MOB3B: variants seen among roughly 807,000 people sequenced by gnomAD.
MOB3B encodes the protein MOB kinase activator 3B, also known as MOB kinase activator-like 2B.
Under a neutral mutation model 18.7 loss-of-function variants are expected in MOB3B, and 7 were observed. That is an observed-to-expected ratio of 0.37 (90% CI 0.21 to 0.70). MOB3B has a LOEUF of 0.70. MOB3B is among the 30% of genes least tolerant of loss of function. The probability of loss-of-function intolerance (pLI) is 0.52; values close to 1 mark genes in which losing one functional copy is unlikely to be tolerated. For synonymous variants in MOB3B, 111 were observed against 99.9 expected (o/e 1.11, Z -0.66); for missense variants, 253 against 281.3 (o/e 0.90, Z 0.72).
chr9:27,387,083 A>T (rs1821659481), intron 2 of MOB3B, among the ~76,000 whole-genome samples: 1 of 152,218 alleles, frequency 6.6e-6, no homozygotes, highest in Non-Finnish European at 1.5e-5. Flanking sequence ...TGACTTAATG[A>T]AATCTGTGGC....
chr9:27,413,563 G>A (rs531813330), intron 2 of MOB3B, among the ~76,000 whole-genome samples: 3 of 152,262 alleles, frequency 2.0e-5, no homozygotes, highest in South Asian at 2.1e-4. Context: ...ACTTACTCTC[G>A]GCTATTTTGA....
At chr9:27,414,260 T>C (rs964335708) in intron 2 of MOB3B, among the ~76,000 whole-genome samples, 11 of 152,246 alleles carry the variant, frequency 7.2e-5, no homozygotes, top group African/African-American at 2.4e-4. Flanking sequence ...ATAGCCATGA[T>C]TCCTGGCAGC....
chr9:27,494,298 T>C (rs1819866183), intron 1 of MOB3B, among the ~76,000 whole-genome samples: 1 of 152,190 alleles, frequency 6.6e-6, no homozygotes, highest in South Asian at 2.1e-4. Flanking sequence ...CCTTGTGATA[T>C]TCTATTGCCT....
At chr9:27,441,686 T>G (rs1822596958) in intron 2 of MOB3B, among the ~76,000 whole-genome samples, 1 of 152,210 alleles carries the variant, frequency 6.6e-6, no homozygotes, top group Non-Finnish European at 1.5e-5. Flanking sequence ...AGACCACAGT[T>G]GACCACAGGT....
At chr9:27,492,830 C>T (rs556120792) in intron 1 of MOB3B, among the ~76,000 whole-genome samples, 38 of 152,292 alleles carry the variant, frequency 2.5e-4, no homozygotes, top group East Asian at 3.9e-4. Flanking sequence ...GAAAGGGCAA[C>T]GCTTTGGAAC....
At chr9:27,517,346 A>G (rs1820251054) in intron 1 of MOB3B, among the ~76,000 whole-genome samples, 1 of 152,142 alleles carries the variant, frequency 6.6e-6, no homozygotes, top group South Asian at 2.1e-4. Flanking sequence ...ACACAGTTAT[A>G]CAATTCTATC....
intron 1 of MOB3B, among the ~76,000 whole-genome samples, chr9:27,487,575 C>T (rs574242359): frequency 6.6e-6 from 1 of 152,144 alleles, no homozygotes; most frequent in Non-Finnish European, 1.5e-5. Flanking sequence ...AATGCTCATG[C>T]TGCCTGATGT....
chr9:27,364,204 G>A (rs1017940063), intron 2 of MOB3B, among the ~76,000 whole-genome samples: 25 of 152,198 alleles, frequency 1.6e-4, no homozygotes. Context: ...GACCTGGGGA[G>A]CTGTGCATGG....
intron 1 of MOB3B, among the ~76,000 whole-genome samples, chr9:27,516,189 C>G (rs546646012): frequency 6.6e-6 from 1 of 152,206 alleles, no homozygotes; most frequent in Admixed American, 6.5e-5. Flanking sequence ...TTTGGACTTC[C>G]AGACTCTAGG....
intron 2 of MOB3B, among the ~76,000 whole-genome samples, chr9:27,425,620 T>G (rs1412933696): frequency 3.3e-5 from 5 of 152,200 alleles, no homozygotes; most frequent in Admixed American, 3.3e-4. Context: ...TTCATGCAGA[T>G]GAAAACACTC....
chr9:27,350,695 A>G (rs1429874763), intron 3 of MOB3B, among the ~76,000 whole-genome samples: 4 of 152,192 alleles, frequency 2.6e-5, no homozygotes, highest in Non-Finnish European at 5.9e-5. Flanking sequence ...TTTAGAATAC[A>G]TCTGCCAAGT....
intron 1 of MOB3B, among the ~76,000 whole-genome samples, chr9:27,521,234 A>AT (rs1422918182): frequency 6.6e-6 from 1 of 152,208 alleles, no homozygotes; most frequent in Non-Finnish European, 1.5e-5. Context: ...ACAAAAGTAC[A>AT]TTTTTAGATA....
chr9:27,354,588 T>C (rs7030274), intron 3 of MOB3B, among the ~76,000 whole-genome samples: 64,624 of 152,074 alleles, frequency 0.42, 13,977 homozygotes, highest in Middle Eastern at 0.52. Flanking sequence ...ATGCATGTTC[T>C]GAGATAAGGG....
intron 1 of MOB3B, among the ~76,000 whole-genome samples, chr9:27,464,990 T>C (rs1286468848): frequency 1.3e-5 from 2 of 152,114 alleles, no homozygotes; most frequent in African/African-American, 4.8e-5. Context: ...CCAAACCATA[T>C]CATTCTGCCC....
chr9:27,358,142 G>C (rs1277305185), intron 3 of MOB3B, among the ~76,000 whole-genome samples: 1 of 152,078 alleles, frequency 6.6e-6, no homozygotes, highest in Admixed American at 6.5e-5. Context: ...GGCAAAAGAG[G>C]ACAGCCTGGC....
chr9:27,486,797 G>C (rs1214532007), intron 1 of MOB3B, among the ~76,000 whole-genome samples: 1 of 152,142 alleles, frequency 6.6e-6, no homozygotes, highest in Non-Finnish European at 1.5e-5. Flanking sequence ...ACAGGACTTG[G>C]CCATGTATAA....
At position 27,351,494 on chromosome 9, in the gene MOB3B, T is replaced by G. The variant is rs550074035; in HGVS notation, c.621+7540A>C. On this transcript the variant is annotated intron_variant, in intron 3 of 3. Coordinates refer to ENST00000262244, the MANE Select transcript of MOB3B (RefSeq NM_024761.5). ...CATTGTAAAGGCCAAACTGTCAGCT[T>G]CACAGGCTGCAGCTCTTTCTTCTAT... Among the ~76,000 whole-genome samples the G allele has an allele frequency of 4.6e-5, 7 of 152,342 alleles. No individual in the cohort carries two copies. The South Asian group carries it at 1.4e-3, about 32-fold the overall frequency.
chr9:27,470,673 C>T (rs1819457371), intron 1 of MOB3B, among the ~76,000 whole-genome samples: 1 of 152,176 alleles, frequency 6.6e-6, no homozygotes, highest in Non-Finnish European at 1.5e-5. Flanking sequence ...ATCTGTTAGC[C>T]CTGTGGGCCC....
intron 1 of MOB3B, among the ~76,000 whole-genome samples, chr9:27,529,024 C>T (rs1442412144): frequency 6.6e-6 from 1 of 152,168 alleles, no homozygotes; most frequent in Non-Finnish European, 1.5e-5. Flanking sequence ...CGTGAGGCAT[C>T]GTCAGCCCCG....
Sources: allele counts gnomAD v4.1 joint callset (sites outside exome capture counted in the v4.1 genomes callset), GRCh38; gene constraint gnomAD v4.1.1; transcripts MANE v1.5; gene names NCBI Gene and HGNC (gene_info 2026-07-23, HGNC 2026-07-21).